Variants in CCDC12 observed in about 807,000 individuals in gnomAD.
The protein encoded by CCDC12 is coiled-coil domain containing 12, also known as coiled-coil domain-containing protein 12.
A neutral mutation model predicts 25.7 loss-of-function variants in CCDC12; 28 were observed. That is an observed-to-expected ratio of 1.09 (90% confidence interval 0.81 to 1.50). CCDC12 has a LOEUF of 1.50. Among genes scored for constraint, CCDC12 ranks in the 40% most tolerant of loss-of-function variants. The pLI is 0.00. For synonymous variants in CCDC12, 75 were observed against 87.7 expected (o/e 0.86, Z 0.81); for missense variants, 198 against 210.0 (o/e 0.94, Z 0.35).
chr3:46,931,033 C>T (rs1042154439), intron 2 of CCDC12, among the ~76,000 whole-genome samples: 2 of 152,212 alleles, frequency 1.3e-5, no homozygotes, highest in African/African-American at 4.8e-5. Flanking sequence ...TATGGGTAGC[C>T]TGGGGCTCTC....
chr3:46,962,084 G>C (rs1460795548), intron 1 of CCDC12, among the ~76,000 whole-genome samples: 1 of 152,044 alleles, frequency 6.6e-6, no homozygotes, highest in African/African-American at 2.4e-5. Flanking sequence ...GGCCACAAAA[G>C]ATATTAGAAA....
At position 46,921,998 on chromosome 3, in the gene CCDC12, G is replaced by C; in HGVS notation, c.*59C>G. ...GATGGCAAGCCTAGCCCCCATCCCT[G>C]CCCAAGACCATCCTCTGCAGGACAG... On this transcript the variant is annotated 3_prime_UTR_variant, in exon 7 of 7. Coordinates refer to ENST00000683445, the MANE Select transcript of CCDC12 (RefSeq NM_001277074.2). 1.3e-6 allele frequency: 2 copies of C among 1,586,608 alleles called. No homozygotes were observed. Among genetic ancestry groups the C allele is most frequent in the South Asian group, 2.2e-5 (2 of 89,940 alleles).
chr3:46,976,722 G>A lies in CCDC12; in HGVS notation c.11C>T (p.Thr4Ile). 6.2e-7 allele frequency: 1 copy of A among 1,608,658 alleles called. No homozygotes were observed. The highest frequency in any genetic ancestry group is 8.5e-7 in the Non-Finnish European group (1 of 1,177,528). Residue 4 changes from threonine to isoleucine, a missense_variant, in exon 1 of 7, where the codon ACT becomes ATT. Thr to Ile is a moderately conservative substitution (Grantham distance 89). Coordinates refer to ENST00000683445, the MANE Select transcript of CCDC12 (RefSeq NM_001277074.2). ...CTCTAGCCGGCCCACACCAGCCGTAGTTGCCTCCATCTTGCCCGCGTACGC... is the reference window on the plus strand; with the variant it reads ...CTCTAGCCGGCCCACACCAGCCGTAATTGCCTCCATCTTGCCCGCGTACGC... MEA[T>I]TAGVGRLEEE...
chr3:46,940,800 G>C (rs2033669734), intron 2 of CCDC12, 198 bp downstream of exon 2: 2 of 604,352 alleles, frequency 3.3e-6, no homozygotes, highest in Non-Finnish European at 5.9e-6. Flanking sequence ...TGGAAAATGA[G>C]GGAAAGGAGG....
chr3:46,964,951 A>AAAAATAAAATAAAATAAAT (rs1339299244), intron 1 of CCDC12, among the ~76,000 whole-genome samples: 2 of 152,018 alleles, frequency 1.3e-5, no homozygotes, highest in African/African-American at 4.8e-5. Flanking sequence ...TGATCAATAA[A>AAAAATAAAATAAAATAAAT]AAAATAAAAT....
At chr3:46,951,509 G>A (rs112921151) in intron 1 of CCDC12, among the ~76,000 whole-genome samples, 4 of 151,080 alleles carry the variant, frequency 2.6e-5, no homozygotes, top group African/African-American at 4.9e-5. Flanking sequence ...GGCTGGGCAC[G>A]GTGGCTCAGG....
intron 1 of CCDC12, among the ~76,000 whole-genome samples, chr3:46,961,402 G>A (rs1039512498): frequency 5.3e-5 from 8 of 152,166 alleles, no homozygotes; most frequent in Admixed American, 5.2e-4. Flanking sequence ...AGCAACTATC[G>A]GAGGTAACAC....
At chr3:46,975,780 C>T (rs1473602560) in intron 1 of CCDC12, among the ~76,000 whole-genome samples, 1 of 151,502 alleles carries the variant, frequency 6.6e-6, no homozygotes, top group Non-Finnish European at 1.5e-5. Context: ...ATCCGCCCAC[C>T]TCGGCCTCCC....
intron 1 of CCDC12, among the ~76,000 whole-genome samples, chr3:46,964,760 C>G (rs1575562213): frequency 6.6e-6 from 1 of 151,994 alleles, no homozygotes; most frequent in African/African-American, 2.4e-5. Context: ...GCAGCATGCT[C>G]GTTAAGAGTC....
chr3:46,981,064 C>A (rs1263105617), upstream of CCDC12, among the ~76,000 whole-genome samples: 1 of 152,224 alleles, frequency 6.6e-6, no homozygotes, highest in Non-Finnish European at 1.5e-5. Flanking sequence ...CAGGCCCCAG[C>A]AGGAGGCCAG....
chr3:46,946,858 A>G (rs1016281182), intron 1 of CCDC12, among the ~76,000 whole-genome samples: 4 of 152,168 alleles, frequency 2.6e-5, no homozygotes, highest in Non-Finnish European at 4.4e-5. Context: ...GATGAGGAAT[A>G]AGCCCCTCCC....
Position 46,925,454 on chromosome 3 carries a change from A to C in CCDC12, c.244+2T>G. On this transcript the variant is annotated splice_donor_variant, in intron 3 of 6. Coordinates refer to ENST00000683445, the MANE Select transcript of CCDC12 (RefSeq NM_001277074.2). LOFTEE classifies it high-confidence loss of function. ...AGAGGTGGAGAGGGACAGCTTGCTT[A>C]CCTGCAACCGGTTTGGCCTGGGGCA... is the stretch of plus-strand genomic sequence containing the variant. 6.2e-7 allele frequency: 1 copy of C among 1,613,384 alleles called. No homozygotes were observed. The highest frequency in any genetic ancestry group is 2.2e-5 in the East Asian group (1 of 44,858).
intron 2 of CCDC12, among the ~76,000 whole-genome samples, chr3:46,936,246 T>C (rs942682180): frequency 3.9e-5 from 6 of 152,266 alleles, no homozygotes; most frequent in African/African-American, 1.4e-4. Flanking sequence ...AAGTGGTTCC[T>C]AATCACAAAC....
At chr3:46,934,896 G>A (rs369746702) in intron 2 of CCDC12, among the ~76,000 whole-genome samples, 111 of 152,234 alleles carry the variant, frequency 7.3e-4, no homozygotes, top group African/African-American at 1.3e-3. Flanking sequence ...GTACCACTAC[G>A]GTGGAACAAT....
intron 2 of CCDC12, among the ~76,000 whole-genome samples, chr3:46,938,083 C>T (rs1032298804): frequency 1.3e-5 from 2 of 152,208 alleles, no homozygotes; most frequent in Admixed American, 6.5e-5. Context: ...ACCTGTTCCA[C>T]CATGCTCCAC....
intron 2 of CCDC12, among the ~76,000 whole-genome samples, chr3:46,925,860 G>T (rs2107104798): frequency 6.6e-6 from 1 of 152,342 alleles, no homozygotes; most frequent in Middle Eastern, 3.4e-3. Flanking sequence ...CAGATAAGGG[G>T]ACTGGAGGTC....
chr3:46,922,471 T>C, intron 5 of CCDC12, 159 bp from the exon 6 acceptor site: 1 of 706,440 alleles, frequency 1.4e-6, no homozygotes. Context: ...TTCTGTACCC[T>C]CCGAAACCCA....
intron 2 of CCDC12, among the ~76,000 whole-genome samples, chr3:46,925,855 A>G (rs544777167): frequency 3.1e-4 from 47 of 152,210 alleles, no homozygotes; most frequent in South Asian, 1.0e-3. Context: ...TTTGACAGAT[A>G]AGGGGACTGG....
chr3:46,927,409 C>T (rs1305615585), intron 2 of CCDC12, among the ~76,000 whole-genome samples: 2 of 152,192 alleles, frequency 1.3e-5, no homozygotes, highest in South Asian at 4.1e-4. Flanking sequence ...CTTTCAGAAA[C>T]GGTCTCCAGG....
Sources: gnomAD v4.1 joint callset for allele counts (sites outside exome capture counted in the v4.1 genomes callset) on GRCh38, gnomAD v4.1.1 for gene constraint, MANE v1.5 for transcripts, NCBI Gene and HGNC (gene_info 2026-07-23, HGNC 2026-07-21) for gene names.